Variants in AP4E1 observed in about 807,000 individuals in gnomAD.
The protein encoded by AP4E1 is AP-4 complex subunit epsilon-1.
Under a neutral mutation model 128.2 loss-of-function variants are expected in AP4E1, and 56 were observed. That is an observed-to-expected ratio of 0.44 (90% CI 0.35 to 0.55). The LOEUF is 0.55. Ranked by LOEUF, AP4E1 falls within the 20% of genes least tolerant of loss-of-function variation. AP4E1 has a pLI of 0.00. For missense variants in AP4E1, 1,324 were observed against 1,307.7 expected (o/e 1.01, Z -0.19); for synonymous variants, 484 against 473.1 (o/e 1.02, Z -0.30).
Position 50,929,039 on chromosome 15 carries a change from A to T in AP4E1, c.573A>T (p.Ala191=), listed in dbSNP as rs368895241. The T allele has an allele frequency of 6.8e-5, 110 of 1,613,756 alleles. No individual in the cohort carries two copies. The highest frequency in any genetic ancestry group is 8.9e-5 in the Non-Finnish European group (105 of 1,179,892). ...TTGTACGAAGAAAAGCTGTTCTGGC[A>T]TTATACAAATTCCATCTCATTGCTC... ...KEIVRRKAVL[A]LYKFHLIAPN... The change falls in exon 6 of 21, where the codon GCA becomes GCT. Residue 191 remains alanine (A), a synonymous_variant. Coordinates refer to ENST00000261842, the MANE Select transcript of AP4E1 (RefSeq NM_007347.5).
In AP4E1 at chr15:50,908,878, T is replaced by G. The variant is rs780539825; in HGVS notation, c.100T>G (p.Ser34Ala). The G allele has an allele frequency of 1.2e-6, 2 of 1,610,472 alleles. No homozygotes were observed. The highest frequency in any genetic ancestry group is 1.7e-6 in the Non-Finnish European group (2 of 1,179,252). Residue 34 changes from serine to alanine, a missense_variant, in exon 1 of 21, where the codon TCG becomes GCG. Transcript: ENST00000261842. The part of the protein sequence containing the change: ...GPAAAKASFS[S>A]RLGSLVRGIT... The stretch of plus-strand genomic sequence containing the variant: ...CGCGGCCGCCAAGGCGTCCTTCTCC[T>G]CGAGGCTGGGCAGCCTTGTCCGCGG...
Position 50,962,889 on chromosome 15 carries a change from C to CAAAAAAAAAAAAAAAAAA in AP4E1, c.1851+4105_1851+4122dup, listed in dbSNP as rs71127168. On this transcript the variant is annotated intron_variant, in intron 14 of 20. Coordinates refer to ENST00000261842, the MANE Select transcript of AP4E1 (RefSeq NM_007347.5). Reference sequence around the variant, plus strand: ...ATATATAAGGAACTCAATTCAACAGCAAAAAAAAAAAAAAAAAAAAAAAAA... The same window carrying CAAAAAAAAAAAAAAAAAA: ...ATATATAAGGAACTCAATTCAACAGCAAAAAAAAAAAAAAAAAAAAAAAAAAAAAAAAAAAAAAAAAAA... Among the ~76,000 whole-genome samples the CAAAAAAAAAAAAAAAAAA allele has an allele frequency of 8.0e-4, 31 of 38,716 alleles. 2 individuals carry two copies. Among genetic ancestry groups the CAAAAAAAAAAAAAAAAAA allele is most frequent in the African/African-American group, 3.4e-3 (30 of 8,726 alleles). The allele number at this position is 38,716 out of a possible 152,430, so 25.4% of individuals were successfully genotyped here.
At chr15:50,975,114 A>T (rs936022542) in intron 15 of AP4E1, among the ~76,000 whole-genome samples, 2 of 152,198 alleles carry the variant, frequency 1.3e-5, no homozygotes, top group African/African-American at 4.8e-5. Flanking sequence ...GTCATAAAGC[A>T]GCTTTTACCA....
chr15:50,931,515 G>A (rs1436795695), intron 7 of AP4E1, among the ~76,000 whole-genome samples: 4 of 152,058 alleles, frequency 2.6e-5, no homozygotes, highest in African/African-American at 7.2e-5. Flanking sequence ...GCAGTGAGCC[G>A]AGATTGTGCC....
intron 16 of AP4E1, among the ~76,000 whole-genome samples, chr15:50,987,793 G>A (rs1388926295): frequency 4.6e-5 from 7 of 152,106 alleles, no homozygotes; most frequent in Non-Finnish European, 8.8e-5. Flanking sequence ...GGTTTAGAAA[G>A]GTTTTTAAAA....
chr15:50,929,118 G>C lies in AP4E1; in HGVS notation c.652G>C (p.Asp218His). 6.2e-7 allele frequency: 1 copy of C among 1,613,894 alleles called. No individual in the cohort carries two copies. Among genetic ancestry groups the C allele is most frequent in the Non-Finnish European group, 8.5e-7 (1 of 1,179,918 alleles). ...IKFRKALCDR[D>H]VGVMAASLHI... ...GTTTCGGAAAGCACTTTGTGACAGA[G>C]ATGTTGGGGTCATGGCTGCCTCCTT... Residue 218 changes from aspartate (D) to histidine (H), a missense_variant, in exon 6 of 21, where the codon GAT becomes CAT. Transcript: ENST00000261842.
At chr15:50,940,997 A>G (rs545736023) in intron 8 of AP4E1, among the ~76,000 whole-genome samples, 3 of 152,284 alleles carry the variant, frequency 2.0e-5, no homozygotes, top group East Asian at 3.9e-4. Context: ...GGTCGAAACT[A>G]TTTGAGAATA....
chr15:50,957,257 CAGG>C (rs1049829635), intron 13 of AP4E1, among the ~76,000 whole-genome samples: 8 of 152,232 alleles, frequency 5.3e-5, no homozygotes, highest in African/African-American at 1.9e-4. Context: ...GGGGAGCTGA[CAGG>C]GGGACTGGGG....
intron 1 of AP4E1, among the ~76,000 whole-genome samples, chr15:50,911,569 A>T (rs1392772308): frequency 2.2e-4 from 32 of 143,324 alleles, no homozygotes; most frequent in African/African-American, 7.3e-4. Flanking sequence ...TGCAACATTC[A>T]CTTCCCGGGT....
rs1318212178 is a variant in AP4E1, at chr15:50,908,750, C to T, written c.-29C>T. The T allele has an allele frequency of 5.3e-6, 8 of 1,503,422 alleles. No homozygotes were observed. The African/African-American group carries it at 7.3e-5, about 14-fold the overall frequency. The allele number at this position is 1,503,422 out of a possible 1,614,324, so 93.1% of individuals were successfully genotyped here. A position where few individuals can be genotyped will look rare whatever the true frequency, so the allele number is the denominator to read the frequency against. On this transcript the variant is annotated 5_prime_UTR_variant, in exon 1 of 21. Coordinates refer to ENST00000261842, the MANE Select transcript of AP4E1 (RefSeq NM_007347.5). ...AGCCGGGCGGCTACGGGATCGCGGG[C>T]GGCGGCGGCATCGCGGGCGGCGGCG...
chr15:50,990,716 G>T (rs946059210), intron 16 of AP4E1, among the ~76,000 whole-genome samples: 3 of 152,090 alleles, frequency 2.0e-5, no homozygotes, highest in African/African-American at 7.2e-5. Flanking sequence ...CTGTATGTAT[G>T]CTTAACAGAA....
intron 16 of AP4E1, among the ~76,000 whole-genome samples, chr15:50,987,709 C>G (rs964451155): frequency 6.6e-6 from 1 of 152,126 alleles, no homozygotes; most frequent in African/African-American, 2.4e-5. Flanking sequence ...CTGAGGAGTG[C>G]TTTACTTCCA....
At chr15:50,968,460 A>T in intron 15 of AP4E1, 83 bp downstream of exon 15, 3 of 983,688 alleles carry the variant, frequency 3.0e-6, no homozygotes, top group African/African-American at 1.6e-5. Flanking sequence ...ATAAATAAAG[A>T]TATTTACTTT....
In AP4E1 at chr15:50,908,735, C is replaced by G; in HGVS notation, c.-44C>G. The G allele has an allele frequency of 6.7e-7, 1 of 1,492,006 alleles. No individual in the cohort carries two copies. The highest frequency in any genetic ancestry group is 8.9e-7 in the Non-Finnish European group (1 of 1,121,740). 92.4% of individuals were successfully genotyped at this position (1,492,006 alleles called of 1,614,324 possible). A position where few individuals can be genotyped will look rare whatever the true frequency, so the allele number is the denominator to read the frequency against. On this transcript the variant is annotated 5_prime_UTR_variant, in exon 1 of 21. Coordinates refer to ENST00000261842, the MANE Select transcript of AP4E1 (RefSeq NM_007347.5). ...GGCGGCCGGGCATGAAGCCGGGCGG[C>G]TACGGGATCGCGGGCGGCGGCGGCA...
rs1166467189 is a variant in AP4E1 at position 50,941,782 on chromosome 15, T to C, written c.1176+7T>C. The C allele has an allele frequency of 6.3e-7, 1 of 1,595,546 alleles. No homozygotes were observed. Among genetic ancestry groups the C allele is most frequent in the African/African-American group, 1.3e-5 (1 of 74,570 alleles). ...TCCCATTATTAAAAGAGAGGTAAAC[T>C]GGTATTTTGAATAGTATATGTGAAG... On this transcript the variant is annotated splice_region_variant and intron_variant, in intron 10 of 20. Transcript: ENST00000261842.
At chr15:50,944,166 G>T (rs972371900) in intron 10 of AP4E1, among the ~76,000 whole-genome samples, 1 of 152,122 alleles carries the variant, frequency 6.6e-6, no homozygotes, top group African/African-American at 2.4e-5. Flanking sequence ...CCCAAAGATG[G>T]CACTAAAGTA....
In AP4E1 at chr15:50,958,517, T is replaced by C. The variant is rs756945223; in HGVS notation, c.1574T>C (p.Leu525Ser). The stretch of plus-strand genomic sequence containing the variant: ...GTATTAGGGGAATATTCCTACCTCT[T>C]AGATAAGGAAACGCCAGAGGAAGTT... ...SWVLGEYSYLLDKETPEEVIA... is the reference protein window; with the variant it reads ...SWVLGEYSYLSDKETPEEVIA... The change falls in exon 14 of 21, where the codon TTA becomes TCA. Residue 525 changes from leucine to serine, a missense_variant. Leu to Ser is a moderately radical substitution (Grantham distance 145). Transcript: ENST00000261842. 2 of 1,613,102 alleles carry C rather than the reference T, an allele frequency of 1.2e-6. No homozygotes were observed. The highest frequency in any genetic ancestry group is 2.2e-5 in the South Asian group (2 of 90,980).
chr15:50,926,250 C>A (rs2063768448), intron 5 of AP4E1, among the ~76,000 whole-genome samples: 1 of 151,890 alleles, frequency 6.6e-6, no homozygotes, highest in African/African-American at 2.4e-5. Flanking sequence ...CAGTTCTCTG[C>A]CTCAGCCTCC....
chr15:50,967,076 A>G (rs2064404443), intron 14 of AP4E1, among the ~76,000 whole-genome samples: 1 of 152,012 alleles, frequency 6.6e-6, no homozygotes. Flanking sequence ...CTTATCATTT[A>G]TTCATTAAAA....
Sources: allele counts gnomAD v4.1 joint callset (sites outside exome capture counted in the v4.1 genomes callset), GRCh38; gene constraint gnomAD v4.1.1; transcripts MANE v1.5; gene names NCBI Gene and HGNC (gene_info 2026-07-23, HGNC 2026-07-21).